HMCN1: variants seen among roughly 807,000 people sequenced by gnomAD.
HMCN1 encodes the protein hemicentin-1.
HMCN1 carries 321 observed loss-of-function variants against 625.9 expected under a neutral mutation model. That is an observed-to-expected ratio of 0.51 (90% CI 0.47 to 0.56). The LOEUF (loss-of-function observed/expected upper bound fraction) is 0.56, where lower values mean the gene tolerates loss of function less well. Among genes scored for constraint, HMCN1 ranks in the 20% least tolerant of loss-of-function variants. The pLI is 0.00. For missense variants in HMCN1, 6,588 were observed against 6,887.3 expected (o/e 0.96, Z 1.54); for synonymous variants, 2,425 against 2,417.6 (o/e 1.00, Z -0.09).
intron 105 of HMCN1, among the ~76,000 whole-genome samples, chr1:186,184,664 A>ATTC (rs10655913): frequency 2.0e-5 from 3 of 151,780 alleles, no homozygotes; most frequent in Non-Finnish European, 2.9e-5. Context: ...AAGAATCTAA[A>ATTC]TTACTTATAT....
In HMCN1 at chr1:186,157,202, C is replaced by T. The variant is rs569297794; in HGVS notation, c.15256+3215C>T. On this transcript the variant is annotated intron_variant, in intron 97 of 106. Transcript: ENST00000271588. ...GGAAGGAAAAACATCAAAATCTCAG[C>T]AGTAGTTTGTTCCATTTGACAAGAC... Among the ~76,000 whole-genome samples the T allele has an allele frequency of 2.0e-3, 312 of 152,216 alleles. 1 individual carries two copies. The highest frequency in any genetic ancestry group is 7.2e-3 in the African/African-American group (299 of 41,542).
chr1:186,074,805 C>T lies in HMCN1; in HGVS notation c.8204C>T (p.Ala2735Val). The change falls in exon 53 of 107, where the codon GCT becomes GTT. Residue 2735 changes from alanine to valine, a missense_variant. Physicochemically the swap from Ala to Val is moderately conservative, Grantham distance 64. Around this residue, in one of 3 missense-constraint regions of HMCN1, gnomAD observed 4,628 missense variants for 4,853.1 expected, o/e 0.95. Transcript: ENST00000271588. ...GGACACACACTTCAAATAAAGGAGG[C>T]TCAAATATCAGACACCGGACGATAT... The part of the protein sequence containing the change: ...ANGHTLQIKE[A>V]QISDTGRYTC... The T allele has an allele frequency of 6.2e-7, 1 of 1,612,868 alleles. No individual in the cohort carries two copies. Among genetic ancestry groups the T allele is most frequent in the South Asian group, 1.1e-5 (1 of 91,056 alleles).
chr1:186,118,598 T>C (rs913637860), intron 77 of HMCN1, among the ~76,000 whole-genome samples: 1 of 152,174 alleles, frequency 6.6e-6, no homozygotes, highest in African/African-American at 2.4e-5. Context: ...GTGGAAACAA[T>C]TCAAATGTCC....
At chr1:186,142,931 G>A (rs1411228110) in intron 89 of HMCN1, among the ~76,000 whole-genome samples, 1 of 152,130 alleles carries the variant, frequency 6.6e-6, no homozygotes, top group Non-Finnish European at 1.5e-5. Flanking sequence ...AAAATAATTG[G>A]AACTTCAGAA....
intron 1 of HMCN1, among the ~76,000 whole-genome samples, chr1:185,804,607 T>G (rs989859340): frequency 6.6e-6 from 1 of 152,072 alleles, no homozygotes; most frequent in African/African-American, 2.4e-5. Context: ...ACTCAAAGCT[T>G]TTAGGTTTCT....
intron 93 of HMCN1, among the ~76,000 whole-genome samples, chr1:186,149,004 T>G (rs1250124763): frequency 6.6e-6 from 1 of 151,904 alleles, no homozygotes; most frequent in Admixed American, 6.6e-5. Flanking sequence ...AAGTAAACCA[T>G]GCTATAAACA....
At chr1:186,096,103 A>T (rs185869887) in intron 68 of HMCN1, among the ~76,000 whole-genome samples, 35 of 152,278 alleles carry the variant, frequency 2.3e-4, no homozygotes, top group African/African-American at 8.2e-4. Context: ...TCAATAACCA[A>T]GAGCTTTTGG....
Position 185,735,066 on chromosome 1 carries a change from C to A in HMCN1, c.268+19C>A. The A allele has an allele frequency of 6.2e-7, 1 of 1,611,034 alleles. No homozygotes were observed. The highest frequency in any genetic ancestry group is 8.5e-7 in the Non-Finnish European group (1 of 1,177,160). ...GATCCAGGTAAGGGAAATATTTATACTTTGTCTTTGCTATGTCTCATGATT... is the reference window on the plus strand; with the variant it reads ...GATCCAGGTAAGGGAAATATTTATAATTTGTCTTTGCTATGTCTCATGATT... On this transcript the variant is annotated intron_variant, in intron 1 of 106. Coordinates refer to ENST00000271588, the MANE Select transcript of HMCN1 (RefSeq NM_031935.3).
At chr1:186,128,623 G>A (rs1340922734) in intron 83 of HMCN1, among the ~76,000 whole-genome samples, 10 of 152,010 alleles carry the variant, frequency 6.6e-5, no homozygotes, top group Non-Finnish European at 1.3e-4. Context: ...TCACTGATCA[G>A]TAGATTAAGA....
chr1:185,928,485 A>C, intron 9 of HMCN1, 61 bp from the exon 10 acceptor site: 1 of 1,385,368 alleles, frequency 7.2e-7, no homozygotes, highest in South Asian at 1.2e-5. Flanking sequence ...ATAGTTAATC[A>C]TTGCTTTCAA....
intron 42 of HMCN1, among the ~76,000 whole-genome samples, chr1:186,051,817 T>G (rs983627238): frequency 2.0e-5 from 3 of 151,994 alleles, no homozygotes; most frequent in Non-Finnish European, 4.4e-5. Context: ...GTGAAAGCAC[T>G]TGAGATTCAG....
At chr1:186,157,681 A>C (rs1227789134) in intron 97 of HMCN1, among the ~76,000 whole-genome samples, 1 of 152,092 alleles carries the variant, frequency 6.6e-6, no homozygotes, top group Non-Finnish European at 1.5e-5. Context: ...ATGAGTGAGA[A>C]TATGCGGTGT....
intron 1 of HMCN1, among the ~76,000 whole-genome samples, chr1:185,735,734 C>T (rs141189403): frequency 1.3e-5 from 2 of 152,244 alleles, no homozygotes; most frequent in Admixed American, 6.5e-5. Flanking sequence ...TCATTTTTGC[C>T]CTAAAGCCGT....
intron 2 of HMCN1, among the ~76,000 whole-genome samples, chr1:185,857,521 C>T (rs1236241142): frequency 1.3e-5 from 2 of 151,556 alleles, no homozygotes; most frequent in African/African-American, 4.8e-5. Context: ...AATATATTTA[C>T]ATAGCCATGT....
At chr1:185,810,029 G>A (rs574786790) in intron 1 of HMCN1, among the ~76,000 whole-genome samples, 102 of 152,162 alleles carry the variant, frequency 6.7e-4, no homozygotes, top group African/African-American at 2.3e-3. Flanking sequence ...TAAACAAACC[G>A]ATCATTGCCA....
chr1:186,043,598 C>G (rs1357678710), intron 40 of HMCN1, among the ~76,000 whole-genome samples: 1 of 152,166 alleles, frequency 6.6e-6, no homozygotes, highest in Non-Finnish European at 1.5e-5. Context: ...AACTCATGCT[C>G]TTTTGTAGAT....
At position 185,909,346 on chromosome 1, in the gene HMCN1, T is replaced by A; in HGVS notation, c.631T>A (p.Trp211Arg). The change falls in exon 5 of 107, where the codon TGG becomes AGG. Residue 211 changes from tryptophan to arginine, a missense_variant. Physicochemically the swap from Trp to Arg is moderately radical, Grantham distance 101 (BLOSUM62 -3). Around this residue, in one of 3 missense-constraint regions of HMCN1, gnomAD observed 4,628 missense variants for 4,853.1 expected, o/e 0.95. Transcript: ENST00000271588. ...DKKQVNEVLK[W>R]VEEAVQASKV... Reference sequence around the variant, plus strand: ...TCTTTCTCTCTTATAGGTATTAAAATGGGTAGAAGAAGCAGTACAGGCCTC... The same window carrying A: ...TCTTTCTCTCTTATAGGTATTAAAAAGGGTAGAAGAAGCAGTACAGGCCTC... 1.2e-6 allele frequency: 2 copies of A among 1,610,732 alleles called. No homozygotes were observed. Among genetic ancestry groups the A allele is most frequent in the Non-Finnish European group, 8.5e-7 (1 of 1,177,092 alleles).
At chr1:185,874,756 C>T (rs1185522763) in intron 4 of HMCN1, among the ~76,000 whole-genome samples, 1 of 151,866 alleles carries the variant, frequency 6.6e-6, no homozygotes, top group African/African-American at 2.4e-5. Context: ...TTTAAATAGA[C>T]ACAAGAAATT....
intron 1 of HMCN1, among the ~76,000 whole-genome samples, chr1:185,738,349 C>T (rs1488135543): frequency 1.3e-5 from 2 of 152,266 alleles, no homozygotes; most frequent in South Asian, 4.1e-4. Flanking sequence ...AGCCACTAAT[C>T]TATTTTTTTG....
Sources: allele counts gnomAD v4.1 joint callset (sites outside exome capture counted in the v4.1 genomes callset), GRCh38; gene constraint gnomAD v4.1.1; regional missense constraint gnomAD v4.1.1; transcripts MANE v1.5; gene names NCBI Gene and HGNC (gene_info 2026-07-23, HGNC 2026-07-21).